The following KCNH4 variants were observed in gnomAD, a reference collection of about 807,000 sequenced individuals.
KCNH4 encodes potassium voltage-gated channel subfamily H member 4, also known as voltage-gated delayed rectifier potassium channel KCNH4.
KCNH4 carries 33 observed loss-of-function variants against 90.7 expected under a neutral mutation model. That is an observed-to-expected ratio of 0.36 (90% confidence interval 0.28 to 0.49). KCNH4 has a LOEUF of 0.49. Among genes scored for constraint, KCNH4 ranks in the 20% least tolerant of loss-of-function variants. The pLI is 0.98. For synonymous variants in KCNH4, 551 were observed against 581.7 expected, an observed-to-expected ratio of 0.95 and a Z score of 0.76; for missense variants, 1,044 against 1,387.1, an observed-to-expected ratio of 0.75 and a Z score of 3.93.
chr17:42,169,806 C>G, intron 8 of KCNH4, 130 bp from the exon 9 acceptor site: 2 of 916,292 alleles, frequency 2.2e-6, no homozygotes, highest in South Asian at 1.5e-5. Flanking sequence ...AGGCACTAGA[C>G]TAAGGGTGGG....
chr17:42,177,991 AGC>A (rs2079873863), intron 4 of KCNH4, 107 bp downstream of exon 4: 3 of 1,437,404 alleles, frequency 2.1e-6, no homozygotes, highest in Non-Finnish European at 2.8e-6. Context: ...CAGAGGAGCA[AGC>A]CAAGGAGGGA....
At position 42,160,928 on chromosome 17, in the gene KCNH4, T is replaced by C. The variant is rs929549490; in HGVS notation, c.2659-493A>G. ...AGTTCTTTTTTCTTTTTCTTTTTTT[T>C]TTTTTTTTTTTTTTTTTGAGATGGA... On this transcript the variant is annotated intron_variant, in intron 15 of 16. Transcript: ENST00000264661. 1.3e-3 allele frequency among the ~76,000 whole-genome samples: 183 copies of C among 135,798 alleles called. No homozygotes were observed. The South Asian group carries it at 0.02, about 15-fold the overall frequency. The allele number at this position is 135,798 out of a possible 152,430, so 89.1% of individuals were successfully genotyped here.
In KCNH4 at chr17:42,178,991, G is replaced by T; in HGVS notation, c.112C>A (p.Arg38=). Residue 38 remains arginine, a synonymous_variant, in exon 2 of 17, where the codon CGG becomes AGG. Transcript: ENST00000264661. ...GAGCAGTAGACGATGGGAAAGCCCC[G>T]TGTGCCCTGTGCGTTGGCCAGCAGG... is the stretch of plus-strand genomic sequence containing the variant. The part of the protein sequence containing the change: ...NFLLANAQGT[R]GFPIVYCSDG... The T allele has an allele frequency of 6.2e-7, 1 of 1,614,082 alleles. No individual in the cohort carries two copies.
intron 14 of KCNH4, 100 bp from the exon 15 acceptor site, chr17:42,162,421 G>A (rs1598267672): frequency 1.0e-6 from 1 of 985,882 alleles, no homozygotes; most frequent in Middle Eastern, 2.2e-4. Flanking sequence ...GGAGAGCAGG[G>A]GGAGACAAAG....
In KCNH4 at chr17:42,165,506, G is replaced by C; in HGVS notation, c.2028C>G (p.Phe676Leu). Residue 676 changes from phenylalanine to leucine, a missense_variant, in exon 11 of 17, where the codon TTC becomes TTG. Transcript: ENST00000264661. ...LRLYPEYGAA[F>L]RAGLPRDLTF... ...TGAGGTCCCGGGGCAGGCCAGCCCG[G>C]AAGGCAGCCCCATACTCAGGATAGA... 1 of 1,614,178 alleles carries C rather than the reference G, an allele frequency of 6.2e-7. No homozygotes were observed. Among genetic ancestry groups the C allele is most frequent in the Non-Finnish European group, 8.5e-7 (1 of 1,180,020 alleles).
chr17:42,166,344 G>A lies in KCNH4; in HGVS notation c.1793C>T (p.Ser598Phe). The A allele has an allele frequency of 6.2e-7, 1 of 1,612,722 alleles. No homozygotes were observed. The highest frequency in any genetic ancestry group is 8.5e-7 in the Non-Finnish European group (1 of 1,179,386). Reference sequence around the variant, plus strand: ...GTCTCGGAGCACCTCAAGCGAGCCGGAGCAGACATAGTAATGTGCCTGCAG... The same window carrying A: ...GTCTCGGAGCACCTCAAGCGAGCCGAAGCAGACATAGTAATGTGCCTGCAG... ...DALQAHYYVC[S>F]GSLEVLRDNM... is the part of the protein sequence containing the mutation. The change falls in exon 10 of 17, where the codon TCC becomes TTC. Residue 598 changes from serine (S) to phenylalanine (F), a missense_variant. Ser to Phe is a radical substitution (Grantham distance 155). This residue lies in a region of KCNH4 where 318 missense variants were observed against 479.6 expected (regional missense o/e 0.66). Coordinates refer to ENST00000264661, the MANE Select transcript of KCNH4 (RefSeq NM_012285.3).
In KCNH4 at chr17:42,171,804, C is replaced by T. The variant is rs200742132; in HGVS notation, c.1179G>A (p.Pro393=). The change falls in exon 7 of 17, where the codon CCG becomes CCA. Residue 393 remains proline (P), a synonymous_variant. Transcript: ENST00000264661. ...GTGGCTCACCAATGTCCCAGAGCAGCGGGTCATTGGCCTCCATCTCCCGGC... is the reference window on the plus strand; with the variant it reads ...GTGGCTCACCAATGTCCCAGAGCAGTGGGTCATTGGCCTCCATCTCCCGGC... ...IGRREMEAND[P]LLWDIGWLHE... is the part of the protein sequence containing the mutation. 23 of 1,614,000 alleles carry T rather than the reference C, an allele frequency of 1.4e-5. No homozygotes were observed. Among genetic ancestry groups the T allele is most frequent in the Admixed American group, 1.2e-4 (7 of 59,990 alleles).
At chr17:42,165,370 C>T (rs1410471067) in intron 11 of KCNH4, 79 bp downstream of exon 11, 21 of 1,560,778 alleles carry the variant, frequency 1.3e-5, no homozygotes, top group Admixed American at 5.2e-5. Flanking sequence ...GAGGGAGGTT[C>T]ATGGGACTCT....
intron 15 of KCNH4, among the ~76,000 whole-genome samples, chr17:42,160,920 C>CTTTTTTT (rs57677761): frequency 1.2e-3 from 89 of 73,394 alleles, no homozygotes; most frequent in Admixed American, 2.1e-3. Flanking sequence ...TTTTCTTTTT[C>CTTTTTTT]TTTTTTTTTT....
At position 42,179,024 on chromosome 17, in the gene KCNH4, T is replaced by A; in HGVS notation, c.79A>T (p.Ser27Cys). Residue 27 changes from serine (S) to cysteine (C), a missense_variant and splice_region_variant, in exon 2 of 17, where the codon AGC (serine) becomes TGC (cysteine). Ser to Cys is a moderately radical substitution (Grantham distance 112). Transcript: ENST00000264661. ...TIATRFDGTHSNFLLANAQGT... is the reference protein window; with the variant it reads ...TIATRFDGTHCNFLLANAQGT... Reference sequence around the variant, plus strand: ...TGTGCGTTGGCCAGCAGGAAGTTGCTGTCTGTGGGAAGAAGAGGTCAAGGT... The same window carrying A: ...TGTGCGTTGGCCAGCAGGAAGTTGCAGTCTGTGGGAAGAAGAGGTCAAGGT... The A allele has an allele frequency of 6.2e-7, 1 of 1,612,230 alleles. No individual in the cohort carries two copies. Among genetic ancestry groups the A allele is most frequent in the Non-Finnish European group, 8.5e-7 (1 of 1,178,402 alleles).
In KCNH4 at chr17:42,159,994, T is replaced by C. The variant is rs1430762825; in HGVS notation, c.*46A>G. ...AGGGGCCCAGGTCCTCCCTGAGTGG[T>C]GAGCGGCAGCGCCCACCCCAGACAG... On this transcript the variant is annotated 3_prime_UTR_variant, in exon 16 of 17. Coordinates refer to ENST00000264661, the MANE Select transcript of KCNH4 (RefSeq NM_012285.3). 2 of 1,438,382 alleles carry C rather than the reference T, an allele frequency of 1.4e-6. No homozygotes were observed. The highest frequency in any genetic ancestry group is 1.6e-5 in the South Asian group (1 of 62,514). The allele number at this position is 1,438,382 out of a possible 1,614,324, so 89.1% of individuals were successfully genotyped here.
In KCNH4 at chr17:42,160,110, G is replaced by C; in HGVS notation, c.2984C>G (p.Pro995Arg). The change falls in exon 16 of 17, where the codon CCA becomes CGA. Residue 995 changes from proline (P) to arginine (R), a missense_variant. Physicochemically the swap from Pro to Arg is moderately radical, Grantham distance 103. Coordinates refer to ENST00000264661, the MANE Select transcript of KCNH4 (RefSeq NM_012285.3). ...EPDPLGPSPVPEASPPTPSLL... is the reference protein window; with the variant it reads ...EPDPLGPSPVREASPPTPSLL... ...GCTTGGGGTTGGGGGTGAGGCCTCT[G>C]GCACTGGAGAGGGTCCCAGAGGGTC... The C allele has an allele frequency of 1.9e-6, 3 of 1,590,518 alleles. No homozygotes were observed. The highest frequency in any genetic ancestry group is 2.6e-6 in the Non-Finnish European group (3 of 1,166,632).
At chr17:42,162,623 C>T (rs1216758824) in intron 14 of KCNH4, among the ~76,000 whole-genome samples, 3 of 151,342 alleles carry the variant, frequency 2.0e-5, no homozygotes, top group Non-Finnish European at 4.4e-5. Flanking sequence ...GATGGGGTCT[C>T]ACTCTGTTGC....
intron 9 of KCNH4, among the ~76,000 whole-genome samples, chr17:42,167,187 C>G (rs2079793985): frequency 6.6e-6 from 1 of 152,140 alleles, no homozygotes; most frequent in Non-Finnish European, 1.5e-5. Context: ...TCCACACTCT[C>G]CCTGCATCAT....
In KCNH4 at chr17:42,178,804, T is replaced by C. The variant is rs2079881067; in HGVS notation, c.299A>G (p.Tyr100Cys). The C allele has an allele frequency of 6.2e-7, 1 of 1,613,074 alleles. No homozygotes were observed. The highest frequency in any genetic ancestry group is 8.5e-7 in the Non-Finnish European group (1 of 1,179,738). The change falls in exon 2 of 17, where the codon TAC becomes TGC. Residue 100 changes from tyrosine to cysteine, a missense_variant. Physicochemically the swap from Tyr to Cys is radical, Grantham distance 194 (BLOSUM62 -2). This residue lies in a region of KCNH4 where 283 missense variants were observed against 378.6 expected (regional missense o/e 0.75). Transcript: ENST00000264661. ...GTGAGCCCCCTCACCATCCTTGCGG[T>C]AGAAGCAGATTTCAGCCCGGTGCTC... ...HQEHRAEICF[Y>C]RKDGSAFWCL...
chr17:42,179,999 G>A (rs1431989300), intron 1 of KCNH4, among the ~76,000 whole-genome samples: 3 of 152,228 alleles, frequency 2.0e-5, no homozygotes, highest in African/African-American at 7.2e-5. Flanking sequence ...GGAGGCTGAT[G>A]GGGACACTGA....
chr17:42,159,251 T>C (rs182964598), intron 16 of KCNH4, among the ~76,000 whole-genome samples: 3 of 152,318 alleles, frequency 2.0e-5, no homozygotes, highest in Admixed American at 2.0e-4. Context: ...GGTCTCGAAC[T>C]CCTGACCTCA....
At chr17:42,174,680 G>A (rs1444482461) in intron 6 of KCNH4, among the ~76,000 whole-genome samples, 1 of 152,064 alleles carries the variant, frequency 6.6e-6, no homozygotes, top group Non-Finnish European at 1.5e-5. Flanking sequence ...ACACCCAAGG[G>A]GGCCTGGGGA....
chr17:42,176,270 G>A lies in KCNH4; in HGVS notation c.613C>T (p.Pro205Ser). 6.2e-7 allele frequency: 1 copy of A among 1,613,542 alleles called. No individual in the cohort carries two copies. The highest frequency in any genetic ancestry group is 8.5e-7 in the Non-Finnish European group (1 of 1,179,896). Reference sequence around the variant, plus strand: ...CCCACGGAGGCCACCTTGTACTCGGGCACTGATGGCTTTGGCTCAAACACG... The same window carrying A: ...CCCACGGAGGCCACCTTGTACTCGGACACTGATGGCTTTGGCTCAAACACG... ...NNVFEPKPSV[P>S]EYKVASVGGS... The change falls in exon 5 of 17, where the codon CCC becomes TCC. Residue 205 changes from proline (P) to serine (S), a missense_variant. By Grantham distance (74) the Pro-to-Ser change is moderately conservative. Coordinates refer to ENST00000264661, the MANE Select transcript of KCNH4 (RefSeq NM_012285.3).
Sources: allele counts gnomAD v4.1 joint callset (sites outside exome capture counted in the v4.1 genomes callset), GRCh38; gene constraint gnomAD v4.1.1; regional missense constraint gnomAD v4.1.1; transcripts MANE v1.5; gene names NCBI Gene and HGNC (gene_info 2026-07-23, HGNC 2026-07-21).